Variants in SPTBN5 observed in about 807,000 individuals in gnomAD.
The protein encoded by SPTBN5 is spectrin beta, non-erythrocytic 5.
SPTBN5 carries 513 observed loss-of-function variants against 477.6 expected under a neutral mutation model. The ratio of observed to expected loss-of-function variants is 1.07; its 90% CI spans 1.00 to 1.16. The LOEUF (loss-of-function observed/expected upper bound fraction) is 1.16. SPTBN5 is among the 50% of genes most tolerant of loss of function. The pLI, the probability that SPTBN5 is intolerant of heterozygous loss-of-function variation, is 0.00. For missense variants in SPTBN5, 5,062 were observed against 4,731.8 expected (o/e 1.07, Z -2.05); for synonymous variants, 2,169 against 2,011.7 (o/e 1.08, Z -2.09).
Position 41,879,656 on chromosome 15 carries a change from C to T in SPTBN5, c.2942+78G>A, listed in dbSNP as rs1370792214. The T allele has an allele frequency of 3.6e-5, 57 of 1,565,966 alleles. 1 individual carries two copies. The Middle Eastern group carries it at 1.1e-3, about 31-fold the overall frequency. ...CGTCCAGCCTCTCCATCTGGCATGG[C>T]GGGAGGCAGGTGAGTCAGGCCCAGG... is the stretch of plus-strand genomic sequence containing the variant. On this transcript the variant is annotated intron_variant, in intron 15 of 67. Transcript: ENST00000320955.
chr15:41,877,080 G>C (rs1019397434), intron 18 of SPTBN5, 36 bp downstream of exon 18: 2 of 1,611,036 alleles, frequency 1.2e-6, no homozygotes, highest in Non-Finnish European at 1.7e-6. Context: ...CCAGTGATGG[G>C]GAGTGACAGC....
At position 41,855,287 on chromosome 15, in the gene SPTBN5, C is replaced by T. The variant is rs1212979264; in HGVS notation, c.9360G>A (p.Trp3120Ter). The T allele has an allele frequency of 1.2e-6, 2 of 1,612,144 alleles. No individual in the cohort carries two copies. The highest frequency in any genetic ancestry group is 1.7e-6 in the Non-Finnish European group (2 of 1,179,780). Reference protein sequence around the residue: ...LERETLLLDAWLTTKAATAES... With the variant: ...LERETLLLDA ...CGGCGGTGGCCGCCTTGGTGGTCAG[C>T]CAGGCGTCGAGGAGCAGGGTCTCTC... is the stretch of plus-strand genomic sequence containing the variant. The change falls in exon 55 of 68, where the codon TGG becomes TGA. Residue 3120 changes from tryptophan to a stop codon, truncating the protein, a stop_gained. Coordinates refer to ENST00000320955, the MANE Select transcript of SPTBN5 (RefSeq NM_016642.4). LOFTEE classifies it high-confidence loss of function.
At chr15:41,867,740 C>CT (rs1378197095) in intron 34 of SPTBN5, 98 bp from the exon 35 acceptor site, 17 of 1,142,452 alleles carry the variant, frequency 1.5e-5, no homozygotes, top group Non-Finnish European at 2.2e-5. Context: ...ATGGCAGGGC[C>CT]TTAGGAGTGC....
chr15:41,862,404 G>T lies in SPTBN5; in HGVS notation c.7386-112C>A, dbSNP rs1315064219. 4 of 1,516,626 alleles carry T rather than the reference G, an allele frequency of 2.6e-6. No homozygotes were observed. In the East Asian group the frequency reaches 9.1e-5, roughly 35 times the overall value. 93.9% of individuals were successfully genotyped at this position (1,516,626 alleles called of 1,614,324 possible). A position where few individuals can be genotyped will look rare whatever the true frequency, so the allele number is the denominator to read the frequency against. On this transcript the variant is annotated intron_variant, in intron 43 of 67. Coordinates refer to ENST00000320955, the MANE Select transcript of SPTBN5 (RefSeq NM_016642.4). Reference sequence around the variant, plus strand: ...CAACCACAGGAGGGCCCATGGGCTGGGAGTTACTGGGAGGACAGTACAGTT... The same window carrying T: ...CAACCACAGGAGGGCCCATGGGCTGTGAGTTACTGGGAGGACAGTACAGTT...
At position 41,881,952 on chromosome 15, in the gene SPTBN5, C is replaced by T. The variant is rs1438217519; in HGVS notation, c.2441G>A (p.Arg814Gln). The part of the protein sequence containing the change: ...LEEQGRAASA[R>Q]ASLFTVNSAL... ...CGTCCTCACCGTGAATAACGACGCC[C>T]GGGCCGAGGCCGCCCGCCCCTGCTC... is the stretch of plus-strand genomic sequence containing the variant. Residue 814 changes from arginine (R) to glutamine (Q), a missense_variant, in exon 12 of 68, where the codon CGG (arginine) becomes CAG (glutamine). By Grantham distance (43) the Arg-to-Gln change is conservative. Transcript: ENST00000320955. 1.1e-5 allele frequency: 17 copies of T among 1,528,470 alleles called. No individual in the cohort carries two copies. The African/African-American group carries it at 1.8e-4, about 17-fold the overall frequency. 94.7% of individuals were successfully genotyped at this position (1,528,470 alleles called of 1,614,324 possible).
At position 41,876,841 on chromosome 15, in the gene SPTBN5, C is replaced by G; in HGVS notation, c.3819G>C (p.Lys1273Asn). Reference protein sequence around the residue: ...RAEALRAHGEKLVQSQHPAAH... With the variant: ...RAEALRAHGENLVQSQHPAAH... The stretch of plus-strand genomic sequence containing the variant: ...CAGCTGGGTGCTGGCTCTGAACCAG[C>G]TTCTCGCCGTGTGCCCGCAGAGCCT... Residue 1273 changes from lysine (K) to asparagine (N), a missense_variant, in exon 19 of 68, where the codon AAG (lysine) becomes AAC (asparagine). Lys to Asn is a moderately conservative substitution (Grantham distance 94, BLOSUM62 0). Transcript: ENST00000320955. 1 of 1,610,516 alleles carries G rather than the reference C, an allele frequency of 6.2e-7. No homozygotes were observed. The highest frequency in any genetic ancestry group is 8.5e-7 in the Non-Finnish European group (1 of 1,179,834).
chr15:41,882,232 G>GCCA, intron 11 of SPTBN5, 37 bp downstream of exon 11: 1 of 1,254,138 alleles, frequency 8.0e-7, no homozygotes, highest in Non-Finnish European at 1.1e-6. Context: ...GCCTCGCCGG[G>GCCA]CCCCGCCCCC....
At chr15:41,858,559 C>T (rs1270030015) in intron 49 of SPTBN5, 43 bp downstream of exon 49, 11 of 1,590,744 alleles carry the variant, frequency 6.9e-6, no homozygotes, top group Non-Finnish European at 2.6e-6. Flanking sequence ...CTGTGTTCTG[C>T]CTGGAGAGCT....
chr15:41,877,863 T>C (rs2066797758), intron 17 of SPTBN5, among the ~76,000 whole-genome samples: 6 of 152,216 alleles, frequency 3.9e-5, no homozygotes, highest in Admixed American at 3.9e-4. Flanking sequence ...GCACAGCCTG[T>C]GGACTGTCCC....
rs2067145424 is a variant in SPTBN5 at position 41,886,196 on chromosome 15, G to T, written c.1059C>A (p.Thr353=). The part of the protein sequence containing the change: ...QLLAAFTIFR[T]QEKPPRLQQR... ...GCTGTAGCCGGGGTGGCTTCTCCTG[G>T]GTGCGGAAGATGGTGAATGCTGCCA... The change falls in exon 7 of 68, where the codon ACC becomes ACA. Residue 353 remains threonine, a synonymous_variant. Transcript: ENST00000320955. 1 of 1,612,890 alleles carries T rather than the reference G, an allele frequency of 6.2e-7. No individual in the cohort carries two copies. Among genetic ancestry groups the T allele is most frequent in the African/African-American group, 1.3e-5 (1 of 74,954 alleles).
At position 41,853,005 on chromosome 15, in the gene SPTBN5, TG is replaced by T; in HGVS notation, c.10171-6del. 6.6e-7 allele frequency: 1 copy of T among 1,520,616 alleles called. No homozygotes were observed. The highest frequency in any genetic ancestry group is 1.3e-5 in the South Asian group (1 of 79,084). 94.2% of individuals were successfully genotyped at this position (1,520,616 alleles called of 1,614,324 possible). A position where few individuals can be genotyped will look rare whatever the true frequency, so the allele number is the denominator to read the frequency against. ...CTCCTGCAGGCACTCTGTCACCTGG[TG>T]GGGAGGGGCTGCTATGGGTGACAGC... On this transcript the variant is annotated splice_polypyrimidine_tract_variant and splice_region_variant and intron_variant, in intron 59 of 67. Transcript: ENST00000320955.
chr15:41,868,461 C>T lies in SPTBN5; in HGVS notation c.5994G>A (p.Leu1998=), dbSNP rs764662388. Residue 1998 remains leucine (L), a synonymous_variant, in exon 33 of 68, where the codon CTG becomes CTA. Coordinates refer to ENST00000320955, the MANE Select transcript of SPTBN5 (RefSeq NM_016642.4). ...LRAELEAREK[L]WQQATQLGQQ... is the part of the protein sequence containing the mutation. ...GCCCCAGCTGGGTGGCCTGCTGCCA[C>T]AGCTTCTCCCGGGCCTCCAGCTCCG... 2 of 1,610,872 alleles carry T rather than the reference C, an allele frequency of 1.2e-6. No homozygotes were observed. Among genetic ancestry groups the T allele is most frequent in the South Asian group, 1.1e-5 (1 of 91,036 alleles).
Position 41,857,360 on chromosome 15 carries a change from C to A in SPTBN5, c.8499G>T (p.Glu2833Asp). 1.9e-6 allele frequency: 3 copies of A among 1,575,170 alleles called. No homozygotes were observed. The highest frequency in any genetic ancestry group is 2.6e-6 in the Non-Finnish European group (3 of 1,160,788). ...GCCTGGCCTTCTTGTCCACTGCTGC[C>A]TCCAGCTCCCTCTGTGTGCCCAGGA... ...GELLGTQREL[E>D]AAVDKKARQA... Residue 2833 changes from glutamate to aspartate, a missense_variant, in exon 51 of 68, where the codon GAG becomes GAT. By Grantham distance (45) the Glu-to-Asp change is conservative. Transcript: ENST00000320955.
chr15:41,871,530 G>C lies in SPTBN5; in HGVS notation c.5302-10C>G. On this transcript the variant is annotated splice_polypyrimidine_tract_variant and intron_variant, in intron 28 of 67. Transcript: ENST00000320955. ...ACTTGGTGCAGAGGTGCTGAGAAGAGGGGAGTGGGTGACAGGGTAGCCCCC... is the reference window on the plus strand; with the variant it reads ...ACTTGGTGCAGAGGTGCTGAGAAGACGGGAGTGGGTGACAGGGTAGCCCCC... 1 of 1,466,584 alleles carries C rather than the reference G, an allele frequency of 6.8e-7. No homozygotes were observed. The highest frequency in any genetic ancestry group is 9.1e-7 in the Non-Finnish European group (1 of 1,102,812). The allele number at this position is 1,466,584 out of a possible 1,614,324, so 90.8% of individuals were successfully genotyped here. A position where few individuals can be genotyped will look rare whatever the true frequency, so the allele number is the denominator to read the frequency against.
At position 41,881,937 on chromosome 15, in the gene SPTBN5, G is replaced by C. The variant is rs926003681; in HGVS notation, c.2456C>G (p.Thr819Arg). Residue 819 changes from threonine to arginine, a missense_variant and splice_region_variant, in exon 12 of 68, where the codon ACG becomes AGG. By Grantham distance (71) the Thr-to-Arg change is moderately conservative. Coordinates refer to ENST00000320955, the MANE Select transcript of SPTBN5 (RefSeq NM_016642.4). ...RAASARASLFTVNSALSPPGE... is the reference protein window; with the variant it reads ...RAASARASLFRVNSALSPPGE... The stretch of plus-strand genomic sequence containing the variant: ...GCCCTTCCCTGTCCCCGTCCTCACC[G>C]TGAATAACGACGCCCGGGCCGAGGC... 2.6e-6 allele frequency: 4 copies of C among 1,527,988 alleles called. No homozygotes were observed. The highest frequency in any genetic ancestry group is 3.5e-6 in the Non-Finnish European group (4 of 1,146,406). 94.7% of individuals were successfully genotyped at this position (1,527,988 alleles called of 1,614,324 possible).
intron 39 of SPTBN5, among the ~76,000 whole-genome samples, chr15:41,864,794 TC>T (rs1052136204): frequency 3.3e-4 from 50 of 152,132 alleles, no homozygotes; most frequent in African/African-American, 1.2e-3. Flanking sequence ...AGGGAGGGGG[TC>T]CACCGCAGGG....
Position 41,879,320 on chromosome 15 carries a change from G to T in SPTBN5, c.3122C>A (p.Ala1041Asp). ...SEDTCHALQL[A>D]QKKTLVLERR... The stretch of plus-strand genomic sequence containing the variant: ...CTCCAGCACCAGGGTCTTCTTCTGG[G>T]CCAGCTGCAGGGCGTGGCAGGTGTC... Residue 1041 changes from alanine (A) to aspartate (D), a missense_variant, in exon 16 of 68, where the codon GCC becomes GAC. Physicochemically the swap from Ala to Asp is moderately radical, Grantham distance 126 (BLOSUM62 -2). Transcript: ENST00000320955. The T allele has an allele frequency of 6.2e-7, 1 of 1,611,380 alleles. No individual in the cohort carries two copies.
intron 43 of SPTBN5, 119 bp downstream of exon 43, chr15:41,862,420 C>A: frequency 6.6e-7 from 1 of 1,520,388 alleles, no homozygotes; most frequent in Non-Finnish European, 8.8e-7. Flanking sequence ...ACTGGGAGGA[C>A]AGTACAGTTA....
At position 41,876,207 on chromosome 15, in the gene SPTBN5, T is replaced by C. The variant is rs368412570; in HGVS notation, c.4029A>G (p.Gly1343=). ...GTGTCTGCAGGATGTTTCTGCGCGCTCCGGAGGGCTCATGCGCAGCCATCA... is the reference window on the plus strand; with the variant it reads ...GTGTCTGCAGGATGTTTCTGCGCGCCCCGGAGGGCTCATGCGCAGCCATCA... ...KGLMAAHEPS[G]ARRNILQTLK... Residue 1343 remains glycine (G), a synonymous_variant, in exon 21 of 68, where the codon GGA becomes GGG. Coordinates refer to ENST00000320955, the MANE Select transcript of SPTBN5 (RefSeq NM_016642.4). 12 of 1,604,928 alleles carry C rather than the reference T, an allele frequency of 7.5e-6. No individual in the cohort carries two copies. The highest frequency in any genetic ancestry group is 1.7e-5 in the Admixed American group (1 of 59,982).
Sources: allele counts gnomAD v4.1 joint callset (sites outside exome capture counted in the v4.1 genomes callset), GRCh38; gene constraint gnomAD v4.1.1; transcripts MANE v1.5; gene names NCBI Gene and HGNC (gene_info 2026-07-23, HGNC 2026-07-21).